TMC2: variants seen among roughly 807,000 people sequenced by gnomAD.
TMC2 encodes the protein transmembrane channel-like protein 2.
Under a neutral mutation model 105.9 loss-of-function variants are expected in TMC2, and 102 were observed. That is an observed-to-expected ratio of 0.96 (90% CI 0.82 to 1.14). TMC2 has a LOEUF of 1.14. Among genes scored for constraint, TMC2 ranks in the 50% most tolerant of loss-of-function variants. TMC2 has a pLI of 0.00. For synonymous variants in TMC2, 402 were observed against 422.8 expected, an observed-to-expected ratio of 0.95 and a Z score of 0.60; for missense variants, 1,093 against 1,134.3, an observed-to-expected ratio of 0.96 and a Z score of 0.52.
At position 2,617,206 on chromosome 20, in the gene TMC2, A is replaced by G; in HGVS notation, c.2075A>G (p.Asn692Ser). Reference sequence around the variant, plus strand: ...CGCGTGTTCAAAGCCTCCCGATCCAACAACTTCTACATGGGCCTCCTGCTG... The same window carrying G: ...CGCGTGTTCAAAGCCTCCCGATCCAGCAACTTCTACATGGGCCTCCTGCTG... ...HERVFKASRS[N>S]NFYMGLLLLV... Residue 692 changes from asparagine (N) to serine (S), a missense_variant, in exon 16 of 20, where the codon AAC becomes AGC. By Grantham distance (46) the Asn-to-Ser change is conservative. Coordinates refer to ENST00000358864, the MANE Select transcript of TMC2 (RefSeq NM_080751.3). 1.2e-6 allele frequency: 2 copies of G among 1,614,166 alleles called. No individual in the cohort carries two copies. Among genetic ancestry groups the G allele is most frequent in the African/African-American group, 1.3e-5 (1 of 75,026 alleles).
At chr20:2,567,190 A>G (rs989423092) in intron 4 of TMC2, among the ~76,000 whole-genome samples, 1 of 152,206 alleles carries the variant, frequency 6.6e-6, no homozygotes, top group Non-Finnish European at 1.5e-5. Flanking sequence ...TCTCACCATG[A>G]CTTGGAAGTA....
intron 7 of TMC2, among the ~76,000 whole-genome samples, chr20:2,581,678 T>C (rs1007513764): frequency 1.3e-5 from 2 of 152,234 alleles, no homozygotes. Context: ...CACATTTAAA[T>C]GCCACAGGCC....
At chr20:2,624,857 C>T (rs2086553133) in intron 17 of TMC2, among the ~76,000 whole-genome samples, 2 of 152,190 alleles carry the variant, frequency 1.3e-5, no homozygotes, top group South Asian at 4.1e-4. Flanking sequence ...AAAATGCTCA[C>T]TAGAAATATC....
chr20:2,641,088 T>C, intron 19 of TMC2, 46 bp from the exon 20 acceptor site: 1 of 1,567,698 alleles, frequency 6.4e-7, no homozygotes, highest in Non-Finnish European at 8.8e-7. Context: ...ATCCAACCTG[T>C]ACAAAATCTC....
rs1411535152 is a variant in TMC2 at position 2,558,877 on chromosome 20, G to A, written c.401+103G>A. 11 of 1,231,140 alleles carry A rather than the reference G, an allele frequency of 8.9e-6. No homozygotes were observed. The highest frequency in any genetic ancestry group is 7.7e-6 in the Non-Finnish European group (7 of 904,758). The allele number at this position is 1,231,140 out of a possible 1,614,324, so 76.3% of individuals were successfully genotyped here. A position where few individuals can be genotyped will look rare whatever the true frequency, so the allele number is the denominator to read the frequency against. ...GGACTGATGCCCCCCTCCCCGGGGA[G>A]AGGCAGCCCGTGCCCTCGCTCTGGC... On this transcript the variant is annotated intron_variant, in intron 3 of 19. Coordinates refer to ENST00000358864, the MANE Select transcript of TMC2 (RefSeq NM_080751.3). The surrounding 1 kb of genome is among the most constrained non-coding windows in gnomAD (Gnocchi z 4.6).
chr20:2,612,409 T>G (rs1160729173), intron 13 of TMC2, 69 bp downstream of exon 13: 1 of 1,372,316 alleles, frequency 7.3e-7, no homozygotes. Context: ...CCTTGATGTT[T>G]CCATTTGAGG....
chr20:2,589,177 G>T (rs947353376), intron 7 of TMC2, among the ~76,000 whole-genome samples: 2 of 151,624 alleles, frequency 1.3e-5, no homozygotes, highest in Non-Finnish European at 2.9e-5. Context: ...AAGCAAGATG[G>T]TCTATATTTT....
intron 10 of TMC2, among the ~76,000 whole-genome samples, chr20:2,599,616 T>C (rs950871892): frequency 4.0e-5 from 6 of 150,974 alleles, no homozygotes; most frequent in African/African-American, 9.8e-5. Flanking sequence ...ATTTTTCTAT[T>C]TTTTGTAGAG....
At position 2,610,397 on chromosome 20, in the gene TMC2, G is replaced by A. The variant is rs190470631; in HGVS notation, c.1414-22G>A. The A allele has an allele frequency of 1.9e-5, 31 of 1,596,702 alleles. No homozygotes were observed. In the Admixed American group the frequency reaches 2.7e-4, roughly 14 times the overall value. ...ACAAGTATAATGTTGATGACACAAC[G>A]TAGGCTTTCCTGATTCCTCAGGTAG... On this transcript the variant is annotated intron_variant, in intron 11 of 19. Transcript: ENST00000358864.
At chr20:2,547,669 G>A (rs2085933426) in intron 2 of TMC2, among the ~76,000 whole-genome samples, 1 of 152,154 alleles carries the variant, frequency 6.6e-6, no homozygotes, top group African/African-American at 2.4e-5. Context: ...TCATTTGAGA[G>A]TCAATCTTAA....
At chr20:2,540,893 C>T (rs2085885801) in intron 2 of TMC2, among the ~76,000 whole-genome samples, 1 of 152,096 alleles carries the variant, frequency 6.6e-6, no homozygotes, top group Non-Finnish European at 1.5e-5. Context: ...ACACCCTTAC[C>T]CTCCAGATTT....
At chr20:2,575,890 C>T (rs1037535151) in intron 5 of TMC2, among the ~76,000 whole-genome samples, 4 of 152,128 alleles carry the variant, frequency 2.6e-5, no homozygotes, top group African/African-American at 9.7e-5. Flanking sequence ...AAGCTCTTAG[C>T]TTCCTTGTAA....
intron 11 of TMC2, among the ~76,000 whole-genome samples, chr20:2,606,007 T>G (rs1414767908): frequency 2.0e-5 from 3 of 152,182 alleles, no homozygotes; most frequent in African/African-American, 7.2e-5. Context: ...GAACCAAGCT[T>G]AGAGCCTCTC....
chr20:2,562,075 G>T, intron 4 of TMC2, 65 bp downstream of exon 4: 2 of 1,541,514 alleles, frequency 1.3e-6, no homozygotes. Flanking sequence ...GGGAATGGGA[G>T]CCCTCCCTCC....
chr20:2,612,131 T>A, intron 12 of TMC2, 60 bp from the exon 13 acceptor site: 1 of 1,487,848 alleles, frequency 6.7e-7, no homozygotes, highest in Non-Finnish European at 9.0e-7. Flanking sequence ...ACTGTTCTTA[T>A]GGAAACAGTT....
At chr20:2,605,424 C>T (rs1348056141) in intron 11 of TMC2, among the ~76,000 whole-genome samples, 1 of 152,172 alleles carries the variant, frequency 6.6e-6, no homozygotes, top group Admixed American at 6.5e-5. Context: ...TTGCAGGTGT[C>T]TGTCTTCTCC....
chr20:2,593,753 T>C (rs1462372494), intron 8 of TMC2, among the ~76,000 whole-genome samples: 1 of 152,198 alleles, frequency 6.6e-6, no homozygotes, highest in African/African-American at 2.4e-5. Context: ...CCTTTGTTGC[T>C]GGAGTGATCT....
At chr20:2,586,663 A>T (rs906748482) in intron 7 of TMC2, among the ~76,000 whole-genome samples, 11 of 152,148 alleles carry the variant, frequency 7.2e-5, no homozygotes, top group African/African-American at 2.7e-4. Context: ...GTGAGAACTC[A>T]CTTATCACCA....
At chr20:2,603,596 G>A (rs951914434) in intron 11 of TMC2, among the ~76,000 whole-genome samples, 1 of 152,168 alleles carries the variant, frequency 6.6e-6, no homozygotes, top group Non-Finnish European at 1.5e-5. Flanking sequence ...TCTGCTAGTG[G>A]TGGCCTAGGT....
Sources: gnomAD v4.1 joint callset for allele counts (sites outside exome capture counted in the v4.1 genomes callset) on GRCh38, gnomAD v4.1.1 for gene constraint, Gnocchi (gnomAD v3.1) non-coding constraint, MANE v1.5 for transcripts, NCBI Gene and HGNC (gene_info 2026-07-23, HGNC 2026-07-21) for gene names.